BCAS1: variants seen among roughly 807,000 people sequenced by gnomAD.
BCAS1 encodes brain enriched myelin associated protein 1.
Under a neutral mutation model 65.4 loss-of-function variants are expected in BCAS1, and 46 were observed. That is an observed-to-expected ratio of 0.70 (90% confidence interval 0.55 to 0.90). BCAS1 has a LOEUF of 0.90. Ranked by LOEUF, BCAS1 falls within the 40% of genes least tolerant of loss-of-function variation. The pLI is 0.00. For missense variants in BCAS1, 793 were observed against 771.2 expected (o/e 1.03, Z -0.33); for synonymous variants, 298 against 293.5 (o/e 1.02, Z -0.16).
intron 4 of BCAS1, 104 bp from the exon 5 acceptor site, chr20:53,996,154 A>T: frequency 1.6e-6 from 2 of 1,251,618 alleles, no homozygotes; most frequent in South Asian, 3.3e-5. Flanking sequence ...AATTCCAGCC[A>T]TACTTCTTCT....
At chr20:54,068,900 A>C (rs1027379570) in intron 1 of BCAS1, among the ~76,000 whole-genome samples, 2 of 152,018 alleles carry the variant, frequency 1.3e-5, no homozygotes, top group African/African-American at 4.8e-5. Context: ...GCCTTTTTCA[A>C]TTCCTCTCCC....
intron 7 of BCAS1, among the ~76,000 whole-genome samples, chr20:53,989,902 A>T (rs995306232): frequency 4.6e-5 from 7 of 152,252 alleles, no homozygotes; most frequent in Non-Finnish European, 8.8e-5. Flanking sequence ...CATGGGACAT[A>T]CTTATATTTA....
intron 3 of BCAS1, among the ~76,000 whole-genome samples, chr20:54,044,565 C>G (rs538767216): frequency 2.6e-5 from 4 of 152,148 alleles, no homozygotes; most frequent in Non-Finnish European, 5.9e-5. Context: ...CGGCCGGGCG[C>G]GGTGGCTCAT....
intron 4 of BCAS1, among the ~76,000 whole-genome samples, chr20:54,015,250 T>C (rs2091410446): frequency 1.3e-5 from 2 of 152,022 alleles, no homozygotes; most frequent in South Asian, 4.1e-4. Flanking sequence ...CAGGCTGATC[T>C]CAAACTCCTG....
intron 3 of BCAS1, 88 bp downstream of exon 3, chr20:54,057,996 TC>T: frequency 2.0e-6 from 2 of 1,015,512 alleles, no homozygotes; most frequent in East Asian, 5.1e-5. Context: ...TTCGACCCTT[TC>T]ATTTTTTTTT....
chr20:53,960,665 TTTCCTTCC>T (rs371214771), intron 10 of BCAS1, among the ~76,000 whole-genome samples: 4 of 151,836 alleles, frequency 2.6e-5, no homozygotes, highest in East Asian at 3.9e-4. Context: ...ATAACAACTG[TTTCCTTCC>T]TTCCTTCCTT....
rs886816862 is a variant in BCAS1, at chr20:54,069,820, C to T, written c.-6+613G>A. Among the ~76,000 whole-genome samples, 4 of 152,182 alleles carry T rather than the reference C, an allele frequency of 2.6e-5. No homozygotes were observed. In the South Asian group the frequency reaches 8.3e-4, roughly 32 times the overall value. On this transcript the variant is annotated intron_variant, in intron 1 of 12. Coordinates refer to ENST00000688948, the MANE Select transcript of BCAS1 (RefSeq NM_001366298.2). ...GGGTGGAGCTGGGGCTGGCATCTGG[C>T]GGTGTGGCTGCAGCGCACCCGCATT... is the stretch of plus-strand genomic sequence containing the variant.
intron 4 of BCAS1, among the ~76,000 whole-genome samples, chr20:54,006,953 G>T (rs2091210273): frequency 6.6e-6 from 1 of 152,170 alleles, no homozygotes; most frequent in African/African-American, 2.4e-5. Flanking sequence ...AGATGACTCA[G>T]GTGGTGAGGG....
rs549396285 is a variant in BCAS1, at chr20:54,053,644, T to C, written c.142+4441A>G. On this transcript the variant is annotated intron_variant, in intron 3 of 12. Coordinates refer to ENST00000688948, the MANE Select transcript of BCAS1 (RefSeq NM_001366298.2). ...TAACTTTCCTTATGTGTTTACCACA[T>C]GCCAGACACTGTTCTGAGAGTTTTA... 6.6e-4 allele frequency among the ~76,000 whole-genome samples: 100 copies of C among 152,380 alleles called. 1 individual carries two copies. Among genetic ancestry groups the C allele is most frequent in the African/African-American group, 2.4e-3 (98 of 41,596 alleles).
chr20:54,007,564 T>A (rs2091227315), intron 4 of BCAS1, among the ~76,000 whole-genome samples: 1 of 152,136 alleles, frequency 6.6e-6, no homozygotes, highest in African/African-American at 2.4e-5. Flanking sequence ...CCAACTGCAG[T>A]AATGTCTCCT....
chr20:53,953,545 C>A lies in BCAS1; in HGVS notation c.1702G>T (p.Ala568Ser), dbSNP rs1272824402. 1 of 1,613,970 alleles carries A rather than the reference C, an allele frequency of 6.2e-7. No homozygotes were observed. The highest frequency in any genetic ancestry group is 8.5e-7 in the Non-Finnish European group (1 of 1,180,010). The change falls in exon 12 of 13, where the codon GCC becomes TCC. Residue 568 changes from alanine to serine, a missense_variant. By Grantham distance (99) the Ala-to-Ser change is moderately conservative. Coordinates refer to ENST00000688948, the MANE Select transcript of BCAS1 (RefSeq NM_001366298.2). Reference protein sequence around the residue: ...KSNKQEAKEPAQCTEQATVDT... With the variant: ...KSNKQEAKEPSQCTEQATVDT... ...ACCGTGGCCTGCTCTGTGCACTGGG[C>A]TGGTTCTTTGGCTTCCTGCTTGTTG... is the stretch of plus-strand genomic sequence containing the variant.
At chr20:53,990,018 A>G (rs1177967983) in intron 7 of BCAS1, among the ~76,000 whole-genome samples, 15 of 152,154 alleles carry the variant, frequency 9.9e-5, no homozygotes, top group Admixed American at 7.9e-4. Context: ...CAATTTGGAG[A>G]TTGTATGTCA....
At chr20:53,972,846 C>G (rs751908205) in intron 9 of BCAS1, among the ~76,000 whole-genome samples, 2 of 152,168 alleles carry the variant, frequency 1.3e-5, no homozygotes, top group Non-Finnish European at 2.9e-5. Context: ...GATGAGTAAA[C>G]TGAGGCTCAA....
At chr20:53,998,272 G>T (rs184436172) in intron 4 of BCAS1, among the ~76,000 whole-genome samples, 1 of 152,198 alleles carries the variant, frequency 6.6e-6, no homozygotes, top group Non-Finnish European at 1.5e-5. Flanking sequence ...ATGGACGATT[G>T]TATTGGGCCA....
chr20:53,983,100 A>G (rs17459753), intron 8 of BCAS1, among the ~76,000 whole-genome samples: 3,064 of 152,338 alleles, frequency 0.02, 50 homozygotes, highest in Middle Eastern at 0.051. Flanking sequence ...TTGTCCTGAC[A>G]TTGTTTTTCA....
intron 3 of BCAS1, among the ~76,000 whole-genome samples, chr20:54,033,740 G>A (rs1032981203): frequency 6.6e-6 from 1 of 151,324 alleles, no homozygotes; most frequent in South Asian, 2.1e-4. Flanking sequence ...AGCTGGTACA[G>A]TTCCTACTGA....
chr20:54,049,142 A>G (rs181308311), intron 3 of BCAS1, among the ~76,000 whole-genome samples: 8 of 152,274 alleles, frequency 5.3e-5, no homozygotes, highest in Admixed American at 4.6e-4. Context: ...CTCACTCATT[A>G]TGTTATTGGC....
At chr20:54,021,974 C>G (rs910454352) in intron 4 of BCAS1, among the ~76,000 whole-genome samples, 4 of 152,160 alleles carry the variant, frequency 2.6e-5, no homozygotes, top group African/African-American at 7.2e-5. Flanking sequence ...TGAACACAGG[C>G]CATTGGAAAA....
At chr20:53,970,660 C>G (rs1434664629) in intron 9 of BCAS1, among the ~76,000 whole-genome samples, 2 of 152,270 alleles carry the variant, frequency 1.3e-5, no homozygotes, top group East Asian at 3.9e-4. Context: ...ATGGCAGGTA[C>G]ATCTAACATT....
Sources: allele counts gnomAD v4.1 joint callset (sites outside exome capture counted in the v4.1 genomes callset), GRCh38; gene constraint gnomAD v4.1.1; transcripts MANE v1.5; gene names NCBI Gene and HGNC (gene_info 2026-07-23, HGNC 2026-07-21).